B4GALT4: variants seen among roughly 807,000 people sequenced by gnomAD.
B4GALT4 encodes N-acetyllactosamine synthase.
In B4GALT4, 27 loss-of-function variants were observed where a neutral mutation model predicts 37.3. The observed-to-expected ratio is 0.72, with a 90% CI of 0.53 to 1.00. B4GALT4 has a LOEUF of 1.00. B4GALT4 is among the 50% of genes least tolerant of loss of function. The pLI is 0.00. For missense variants in B4GALT4, 372 were observed against 413.1 expected (o/e 0.90, Z 0.86); for synonymous variants, 148 against 154.1 (o/e 0.96, Z 0.29).
Position 119,212,523 on chromosome 3 carries a change from T to C in B4GALT4, c.*26A>G, listed in dbSNP as rs1414706266. 2 of 1,561,270 alleles carry C rather than the reference T, an allele frequency of 1.3e-6. No homozygotes were observed. The highest frequency in any genetic ancestry group is 1.7e-6 in the Non-Finnish European group (2 of 1,157,530). On this transcript the variant is annotated 3_prime_UTR_variant, in exon 8 of 8. Coordinates refer to ENST00000393765, the MANE Select transcript of B4GALT4 (RefSeq NM_003778.4). ...TTATTGCAAACAAAGAATCAGTTCTTCCAAACATCACCAAAAGACCCAGGG... is the reference window on the plus strand; with the variant it reads ...TTATTGCAAACAAAGAATCAGTTCTCCCAAACATCACCAAAAGACCCAGGG...
intron 5 of B4GALT4, among the ~76,000 whole-genome samples, chr3:119,221,635 G>A (rs575408893): frequency 1.3e-5 from 2 of 152,254 alleles, no homozygotes; most frequent in East Asian, 3.9e-4. Flanking sequence ...ATACAAAAAA[G>A]AGAAAATCAT....
chr3:119,235,478 T>C (rs958035965), intron 2 of B4GALT4, among the ~76,000 whole-genome samples: 1 of 152,238 alleles, frequency 6.6e-6, no homozygotes, highest in South Asian at 2.1e-4. Flanking sequence ...GGGCTTGATG[T>C]TGTCCCAGGC....
Position 119,240,850 on chromosome 3 carries a change from C to G in B4GALT4, c.-364G>C, listed in dbSNP as rs899308387. The G allele has an allele frequency of 4.6e-5, 7 of 152,272 alleles. No individual in the cohort carries two copies. Among genetic ancestry groups the G allele is most frequent in the Non-Finnish European group, 1.0e-4 (7 of 68,070 alleles). 9.4% of individuals were successfully genotyped at this position (152,272 alleles called of 1,614,324 possible). On this transcript the variant is annotated splice_region_variant and 5_prime_UTR_variant, in exon 1 of 8. Transcript: ENST00000393765. ...GCGCCGGCGGAGCCAGCGTACTCACCCCGGAGGCGGCCGCGGCGAGCTAGC... is the reference window on the plus strand; with the variant it reads ...GCGCCGGCGGAGCCAGCGTACTCACGCCGGAGGCGGCCGCGGCGAGCTAGC...
At chr3:119,237,879 A>C (rs181522194) in intron 1 of B4GALT4, among the ~76,000 whole-genome samples, 188 of 152,368 alleles carry the variant, frequency 1.2e-3, no homozygotes, top group African/African-American at 4.4e-3. Flanking sequence ...TAATACATCC[A>C]TATGATGGGA....
In B4GALT4 at chr3:119,212,133, T is replaced by C. The variant is rs2078177413; in HGVS notation, c.*416A>G. 1.4e-6 allele frequency: 1 copy of C among 703,064 alleles called. No homozygotes were observed. The highest frequency in any genetic ancestry group is 2.6e-6 in the Non-Finnish European group (1 of 385,008). 43.6% of individuals were successfully genotyped at this position (703,064 alleles called of 1,614,324 possible). On this transcript the variant is annotated 3_prime_UTR_variant, in exon 8 of 8. Coordinates refer to ENST00000393765, the MANE Select transcript of B4GALT4 (RefSeq NM_003778.4). ...AATGAATAACAGTATTGTATCTTCG[T>C]ACCTTTCTACCTTGGACGAGAACAA...
At chr3:119,218,268 G>T (rs1444993078) in intron 6 of B4GALT4, among the ~76,000 whole-genome samples, 1 of 152,184 alleles carries the variant, frequency 6.6e-6, no homozygotes, top group Non-Finnish European at 1.5e-5. Flanking sequence ...CCTGCAGGGG[G>T]ACACTGGGAA....
chr3:119,218,326 C>A (rs573728246), intron 6 of B4GALT4, among the ~76,000 whole-genome samples: 1 of 152,324 alleles, frequency 6.6e-6, no homozygotes, highest in South Asian at 2.1e-4. Flanking sequence ...CTTAACAACC[C>A]GGTCTCCAAA....
At chr3:119,231,845 ATTT>A (rs1450925588) in intron 2 of B4GALT4, among the ~76,000 whole-genome samples, 1 of 147,124 alleles carries the variant, frequency 6.8e-6, no homozygotes, top group Non-Finnish European at 1.5e-5. Context: ...TATTTTTAGA[ATTT>A]TTAATATATT....
In B4GALT4 at chr3:119,224,255, T is replaced by A; in HGVS notation, c.487-10A>T. ...ACTTTTTACCTTCAGCCTAGAGATA[T>A]GAAAATTAAAACTTGAAAAGCTCCT... is the stretch of plus-strand genomic sequence containing the variant. On this transcript the variant is annotated splice_polypyrimidine_tract_variant and intron_variant, in intron 4 of 7. Coordinates refer to ENST00000393765, the MANE Select transcript of B4GALT4 (RefSeq NM_003778.4). 1 of 1,572,084 alleles carries A rather than the reference T, an allele frequency of 6.4e-7. No homozygotes were observed. Among genetic ancestry groups the A allele is most frequent in the Non-Finnish European group, 8.6e-7 (1 of 1,163,040 alleles).
Position 119,226,949 on chromosome 3 carries a change from G to C in B4GALT4, c.346C>G (p.Gln116Glu), listed in dbSNP as rs3764779. 416,924 of 1,613,854 alleles carry C rather than the reference G, an allele frequency of 0.26. 55,629 individuals are homozygous for C. Among genetic ancestry groups the C allele is most frequent in the Admixed American group, 0.35 (21,205 of 59,994 alleles). The change falls in exon 4 of 8, where the codon CAG becomes GAG. Residue 116 changes from glutamine (Q) to glutamate (E), a missense_variant. Coordinates refer to ENST00000393765, the MANE Select transcript of B4GALT4 (RefSeq NM_003778.4). ...ACCCTCTGTAAAGCTTTACATTCCTGAGGGCGATACCGGCCTCTGGACACT... is the reference window on the plus strand; with the variant it reads ...ACCCTCTGTAAAGCTTTACATTCCTCAGGGCGATACCGGCCTCTGGACACT... ...PKVSRGRYRP[Q>E]ECKALQRVAI...
At chr3:119,238,136 G>A (rs1311267584) in intron 1 of B4GALT4, among the ~76,000 whole-genome samples, 4 of 151,704 alleles carry the variant, frequency 2.6e-5, no homozygotes, top group Non-Finnish European at 5.9e-5. Context: ...GCATGGTGGC[G>A]CATGCCTGTA....
At chr3:119,237,569 TC>T (rs904448238) in intron 1 of B4GALT4, among the ~76,000 whole-genome samples, 3 of 152,112 alleles carry the variant, frequency 2.0e-5, no homozygotes, top group African/African-American at 4.8e-5. Flanking sequence ...TTTAACAAGC[TC>T]CCCAAATGAT....
chr3:119,216,468 ACACAGTGT>A, intron 6 of B4GALT4, 124 bp from the exon 7 acceptor site: 1 of 377,372 alleles, frequency 2.6e-6, no homozygotes, highest in Non-Finnish European at 4.6e-6. Flanking sequence ...ACACACACAC[ACACAGTGT>A]CACAAACAGC....
At chr3:119,227,945 G>A (rs2078676211) in intron 3 of B4GALT4, among the ~76,000 whole-genome samples, 1 of 152,174 alleles carries the variant, frequency 6.6e-6, no homozygotes, top group Admixed American at 6.5e-5. Context: ...CTCAACAGCA[G>A]GCAAGGTAAG....
intron 5 of B4GALT4, among the ~76,000 whole-genome samples, chr3:119,220,120 A>G (rs761857147): frequency 7.2e-5 from 11 of 152,360 alleles, no homozygotes; most frequent in Admixed American, 2.0e-4. Context: ...AGATTTACTT[A>G]TATGCCCCTA....
intron 3 of B4GALT4, among the ~76,000 whole-genome samples, chr3:119,229,475 A>G (rs1413771108): frequency 6.6e-6 from 1 of 152,264 alleles, no homozygotes; most frequent in African/African-American, 2.4e-5. Flanking sequence ...AAAAGAGTAC[A>G]TAACGTATGC....
At chr3:119,219,030 C>T (rs1208878499) in intron 5 of B4GALT4, among the ~76,000 whole-genome samples, 1 of 152,010 alleles carries the variant, frequency 6.6e-6, no homozygotes, top group East Asian at 1.9e-4. Flanking sequence ...GTGTAGAGGC[C>T]TATAGAGATA....
chr3:119,213,427 A>G lies in B4GALT4; in HGVS notation c.903-746T>C, dbSNP rs185279506. On this transcript the variant is annotated intron_variant, in intron 7 of 7. Transcript: ENST00000393765. ...CCATGACAATATGGATGGGGATCAGATGCATAATGTTCAGCTAAATAAAGT... is the reference window on the plus strand; with the variant it reads ...CCATGACAATATGGATGGGGATCAGGTGCATAATGTTCAGCTAAATAAAGT... 2.6e-5 allele frequency: 4 copies of G among 152,362 alleles called. No homozygotes were observed. The East Asian group carries it at 7.7e-4, about 29-fold the overall frequency. 9.4% of individuals were successfully genotyped at this position (152,362 alleles called of 1,614,324 possible). A position where few individuals can be genotyped will look rare whatever the true frequency, so the allele number is the denominator to read the frequency against.
intron 2 of B4GALT4, chr3:119,233,098 G>A (rs12695383): frequency 0.19 from 28,654 of 152,156 alleles, 2,873 homozygotes; most frequent in Admixed American, 0.26. Flanking sequence ...GTGAGCCACC[G>A]CACCCAGCCC....
Sources: gnomAD v4.1 joint callset for allele counts (sites outside exome capture counted in the v4.1 genomes callset) on GRCh38, gnomAD v4.1.1 for gene constraint, MANE v1.5 for transcripts, NCBI Gene and HGNC (gene_info 2026-07-23, HGNC 2026-07-21) for gene names.